Variants in KYNU observed in about 807,000 individuals in gnomAD.
The protein encoded by KYNU is L-kynurenine hydrolase.
A neutral mutation model predicts 59.2 loss-of-function variants in KYNU; 54 were observed. That is an observed-to-expected ratio of 0.91 (90% CI 0.73 to 1.14). The LOEUF is 1.14. Among genes scored for constraint, KYNU ranks in the 50% most tolerant of loss-of-function variants. KYNU has a pLI of 0.00. For missense variants in KYNU, 567 were observed against 554.4 expected (o/e 1.02, Z -0.23); for synonymous variants, 177 against 192.0 (o/e 0.92, Z 0.65).
rs528125700 is a variant in KYNU, at chr2:143,006,967, C to A, written c.902+20946C>A. Among the ~76,000 whole-genome samples, 82 of 151,708 alleles carry A rather than the reference C, an allele frequency of 5.4e-4. 1 individual carries two copies. Among genetic ancestry groups the A allele is most frequent in the African/African-American group, 1.9e-3 (80 of 41,066 alleles). On this transcript the variant is annotated intron_variant, in intron 10 of 13. Transcript: ENST00000264170. ...CCACAAAGATGGGGAAAAAACAGAA[C>A]AGAAAAACTGGAAACTCTAAAACGC...
chr2:142,967,378 G>T (rs1223090507), intron 8 of KYNU: 2 of 152,042 alleles, frequency 1.3e-5, no homozygotes, highest in East Asian at 3.9e-4. Flanking sequence ...CTCCAACATT[G>T]TTTTATTAGC....
chr2:142,987,192 C>T (rs1685231065), intron 10 of KYNU, among the ~76,000 whole-genome samples: 1 of 151,722 alleles, frequency 6.6e-6, no homozygotes, highest in Non-Finnish European at 1.5e-5. Flanking sequence ...TAAGATATTG[C>T]TTGCTTTTGT....
rs557556459 is a variant in KYNU, at chr2:142,935,421, G to A, written c.373+7680G>A. On this transcript the variant is annotated intron_variant, in intron 4 of 13. Transcript: ENST00000264170. ...ATAATACCAGTGGGGGTCCTGATTG[G>A]GAACTGCCTCTGCGCCAGTAGGCTG... Among the ~76,000 whole-genome samples, 23 of 152,280 alleles carry A rather than the reference G, an allele frequency of 1.5e-4. No homozygotes were observed. The South Asian group carries it at 4.8e-3, about 32-fold the overall frequency.
chr2:142,934,698 G>A lies in KYNU; in HGVS notation c.373+6957G>A, dbSNP rs534725490. On this transcript the variant is annotated intron_variant, in intron 4 of 13. Coordinates refer to ENST00000264170, the MANE Select transcript of KYNU (RefSeq NM_003937.3). ...CCACCATCAGGGTTACCCTTGGCTC[G>A]GATGAAGAGATGGTAGTTGCCAGGG... 3.3e-5 allele frequency among the ~76,000 whole-genome samples: 5 copies of A among 152,266 alleles called. No individual in the cohort carries two copies. In the East Asian group the frequency reaches 5.8e-4, roughly 18 times the overall value.
At chr2:143,025,270 G>C (rs1449931857) in intron 10 of KYNU, among the ~76,000 whole-genome samples, 1 of 151,848 alleles carries the variant, frequency 6.6e-6, no homozygotes, top group Non-Finnish European at 1.5e-5. Flanking sequence ...TCATCTGCTT[G>C]TAGATTTCTC....
In KYNU at chr2:142,918,729, T is replaced by C; in HGVS notation, c.290T>C (p.Ile97Thr). 6.2e-7 allele frequency: 1 copy of C among 1,610,712 alleles called. No individual in the cohort carries two copies. Among genetic ancestry groups the C allele is most frequent in the South Asian group, 1.1e-5 (1 of 90,690 alleles). ...GAAGAACTAGATAAGTGGGCCAAAA[T>C]GTAAGTATTATTTTAAAAGCTACTA... ...LEEELDKWAKIAAYGHEVGKR... is the reference protein window; with the variant it reads ...LEEELDKWAKTAAYGHEVGKR... Residue 97 changes from isoleucine to threonine, a missense_variant and splice_region_variant, in exon 3 of 14, where the codon ATA becomes ACA. Ile to Thr is a moderately conservative substitution (Grantham distance 89). Transcript: ENST00000264170.
At chr2:142,913,415 AT>A (rs1012626391) in intron 2 of KYNU, among the ~76,000 whole-genome samples, 8 of 151,546 alleles carry the variant, frequency 5.3e-5, no homozygotes, top group South Asian at 2.1e-4. Context: ...TTTATTTCAA[AT>A]TTTTTTTTGA....
chr2:143,021,163 T>C (rs1686396444), intron 10 of KYNU, among the ~76,000 whole-genome samples: 1 of 152,162 alleles, frequency 6.6e-6, no homozygotes, highest in South Asian at 2.1e-4. Flanking sequence ...ATATGTACTC[T>C]TGTACTAGAA....
At position 142,892,376 on chromosome 2, in the gene KYNU, C is replaced by T. The variant is rs7597635; in HGVS notation, c.169+6840C>T. ...CTAGGCAGACCTTAGTGTGGAGTGA[C>T]GTCCAATCATGAAGAGGGAACAGCA... is the stretch of plus-strand genomic sequence containing the variant. On this transcript the variant is annotated intron_variant, in intron 2 of 13. Coordinates refer to ENST00000264170, the MANE Select transcript of KYNU (RefSeq NM_003937.3). Among the ~76,000 whole-genome samples, 249 of 152,262 alleles carry T rather than the reference C, an allele frequency of 1.6e-3. 2 individuals are homozygous for T. The highest frequency in any genetic ancestry group is 5.7e-3 in the African/African-American group (237 of 41,548).
At chr2:142,909,045 G>A (rs1682393145) in intron 2 of KYNU, among the ~76,000 whole-genome samples, 1 of 152,288 alleles carries the variant, frequency 6.6e-6, no homozygotes, top group South Asian at 2.1e-4. Flanking sequence ...ATTAATGGCA[G>A]TTTGTCTCTT....
At position 143,042,263 on chromosome 2, in the gene KYNU, C is replaced by T; in HGVS notation, c.*91C>T. Reference sequence around the variant, plus strand: ...CGATTTTTAATTATTGAAAGTATGTCACCATTGACCACATGTAACTAACAA... The same window carrying T: ...CGATTTTTAATTATTGAAAGTATGTTACCATTGACCACATGTAACTAACAA... On this transcript the variant is annotated 3_prime_UTR_variant, in exon 14 of 14. Transcript: ENST00000264170. The T allele has an allele frequency of 3.4e-6, 4 of 1,185,770 alleles. No homozygotes were observed. The highest frequency in any genetic ancestry group is 3.7e-6 in the Non-Finnish European group (3 of 812,068). The allele number at this position is 1,185,770 out of a possible 1,614,324, so 73.5% of individuals were successfully genotyped here. A position where few individuals can be genotyped will look rare whatever the true frequency, so the allele number is the denominator to read the frequency against.
rs145787098 is a variant in KYNU at position 143,032,711 on chromosome 2, T to TTGTATGTGTGTGTGTG, written c.956-522_956-521insATGTGTGTGTGTGTGT. Among the ~76,000 whole-genome samples the TTGTATGTGTGTGTGTG allele has an allele frequency of 2.5e-4, 33 of 129,454 alleles. 1 individual carries two copies. Among genetic ancestry groups the TTGTATGTGTGTGTGTG allele is most frequent in the African/African-American group, 9.0e-4 (31 of 34,492 alleles). 84.9% of individuals were successfully genotyped at this position (129,454 alleles called of 152,430 possible). A position where few individuals can be genotyped will look rare whatever the true frequency, so the allele number is the denominator to read the frequency against. ...GATCTTTTTTTTAAAGCTCCCTCTA[T>TTGTATGTGTGTGTGTG]TGTGTGTGTGTGTGTGTGTGTGTGT... On this transcript the variant is annotated intron_variant, in intron 11 of 13. Transcript: ENST00000264170.
chr2:142,927,524 A>G (rs1171272759), intron 3 of KYNU, 135 bp from the exon 4 acceptor site: 1 of 631,606 alleles, frequency 1.6e-6, no homozygotes, highest in Non-Finnish European at 2.9e-6. Flanking sequence ...TGTTTTAAAA[A>G]GGCCTGATTT....
chr2:142,908,152 A>C (rs1191456372), intron 2 of KYNU, among the ~76,000 whole-genome samples: 2 of 152,168 alleles, frequency 1.3e-5, no homozygotes, highest in African/African-American at 2.4e-5. Flanking sequence ...CTTTGGGGGA[A>C]CTGGACTGGC....
At chr2:143,030,380 G>T (rs564855834) in intron 11 of KYNU, among the ~76,000 whole-genome samples, 2 of 152,332 alleles carry the variant, frequency 1.3e-5, no homozygotes, top group South Asian at 2.1e-4. Flanking sequence ...GATGCAGAAA[G>T]ATCATACGTG....
At chr2:143,036,257 G>A (rs1208241905) in intron 12 of KYNU, among the ~76,000 whole-genome samples, 1 of 151,958 alleles carries the variant, frequency 6.6e-6, no homozygotes, top group African/African-American at 2.4e-5. Flanking sequence ...GGATACACTC[G>A]CCAGCAGTTT....
At chr2:142,965,493 C>T (rs192757275) in intron 8 of KYNU, among the ~76,000 whole-genome samples, 2 of 152,226 alleles carry the variant, frequency 1.3e-5, no homozygotes, top group Non-Finnish European at 1.5e-5. Context: ...TGTCTGAGTG[C>T]CATCTCCCAA....
chr2:143,048,358 C>G lies in KYNU; in HGVS notation c.*6186C>G, dbSNP rs988795970. ...CCATTTTTTATAACTCTCCTTCTGA[C>G]TAGTTGAAGAAATGAGAATGCTTTA... is the stretch of plus-strand genomic sequence containing the variant. On this transcript the variant is annotated 3_prime_UTR_variant, in exon 14 of 14. Transcript: ENST00000264170. 6.6e-6 allele frequency: 1 copy of G among 152,098 alleles called. No homozygotes were observed. Among genetic ancestry groups the G allele is most frequent in the African/African-American group, 2.4e-5 (1 of 41,434 alleles). 9.4% of individuals were successfully genotyped at this position (152,098 alleles called of 1,614,324 possible). A position where few individuals can be genotyped will look rare whatever the true frequency, so the allele number is the denominator to read the frequency against.
chr2:142,960,417 AAC>A (rs1684303362), intron 7 of KYNU, among the ~76,000 whole-genome samples: 1 of 152,198 alleles, frequency 6.6e-6, no homozygotes, highest in South Asian at 2.1e-4. Flanking sequence ...CACTTGAAAA[AAC>A]ACTTTTTACT....
Sources: allele counts gnomAD v4.1 joint callset (sites outside exome capture counted in the v4.1 genomes callset), GRCh38; gene constraint gnomAD v4.1.1; transcripts MANE v1.5; gene names NCBI Gene and HGNC (gene_info 2026-07-23, HGNC 2026-07-21).